STMN2: variants seen among roughly 807,000 people sequenced by gnomAD.
STMN2 encodes stathmin-2.
In STMN2, 2 loss-of-function variants were observed where a neutral mutation model predicts 24.1. The ratio of observed to expected loss-of-function variants is 0.08; its 90% CI spans 0.03 to 0.26. The LOEUF is 0.26. STMN2 is among the 10% of genes least tolerant of loss of function. The pLI, the probability that STMN2 is intolerant of heterozygous loss-of-function variation, is 1.00. For synonymous variants in STMN2, 83 were observed against 77.5 expected (o/e 1.07, Z -0.37); for missense variants, 114 against 213.6 (o/e 0.53, Z 2.91).
At chr8:79,616,271 A>G (rs927786753) in intron 1 of STMN2, among the ~76,000 whole-genome samples, 5 of 152,234 alleles carry the variant, frequency 3.3e-5, no homozygotes, top group African/African-American at 1.2e-4. Context: ...ATTATTGAGC[A>G]TCTCCTTGTA....
At position 79,612,566 on chromosome 8, in the gene STMN2, C is replaced by T. The variant is rs150985869; in HGVS notation, c.19+1352C>T. Among the ~76,000 whole-genome samples the T allele has an allele frequency of 7.8e-4, 119 of 152,252 alleles. 1 individual carries two copies. Among genetic ancestry groups the T allele is most frequent in the Non-Finnish European group, 1.4e-3 (93 of 68,016 alleles). On this transcript the variant is annotated intron_variant, in intron 1 of 4. Transcript: ENST00000220876. ...CAAGACAGTGGAGACACAGGATGAC[C>T]GGAAAAGATTCTGGATTCAGGGCCT...
chr8:79,633,881 C>T (rs1359482369), intron 1 of STMN2, among the ~76,000 whole-genome samples: 1 of 152,176 alleles, frequency 6.6e-6, no homozygotes, highest in Non-Finnish European at 1.5e-5. Context: ...TCTTTATTAG[C>T]TTGTCAAGCA....
Position 79,654,924 on chromosome 8 carries a change from A to T in STMN2, c.342A>T (p.Arg114=). Residue 114 remains arginine, a synonymous_variant, in exon 4 of 5, where the codon CGA becomes CGT. Coordinates refer to ENST00000220876, the MANE Select transcript of STMN2 (RefSeq NM_007029.4). ...KQLAEKREHE[R]EVLQKALEEN... The stretch of plus-strand genomic sequence containing the variant: ...TGGCAGAGAAGAGGGAACACGAGCG[A>T]GAAGTCCTTCAGAAGGCTTTGGAGG... The T allele has an allele frequency of 3.1e-6, 5 of 1,613,880 alleles. No individual in the cohort carries two copies. Among genetic ancestry groups the T allele is most frequent in the Non-Finnish European group, 4.2e-6 (5 of 1,179,854 alleles).
At chr8:79,660,543 T>A (rs1806480474) in intron 4 of STMN2, among the ~76,000 whole-genome samples, 1 of 152,188 alleles carries the variant, frequency 6.6e-6, no homozygotes, top group Non-Finnish European at 1.5e-5. Context: ...AGCCATATTT[T>A]AGTGGCAATA....
intron 3 of STMN2, 82 bp downstream of exon 3, chr8:79,641,632 A>ACACG (rs1563442453): frequency 7.1e-6 from 2 of 282,764 alleles, no homozygotes; most frequent in East Asian, 1.2e-4. Flanking sequence ...ATGCACGCAC[A>ACACG]CACACACACA....
intron 1 of STMN2, among the ~76,000 whole-genome samples, chr8:79,629,401 C>A (rs1214337625): frequency 6.6e-6 from 1 of 152,162 alleles, no homozygotes; most frequent in Non-Finnish European, 1.5e-5. Flanking sequence ...AAACTCTTAA[C>A]TAACTGTTCA....
At position 79,654,897 on chromosome 8, in the gene STMN2, A is replaced by C. The variant is rs1365272764; in HGVS notation, c.315A>C (p.Gln105His). The C allele has an allele frequency of 2.5e-6, 4 of 1,613,468 alleles. No homozygotes were observed. Among genetic ancestry groups the C allele is most frequent in the Non-Finnish European group, 3.4e-6 (4 of 1,179,602 alleles). The change falls in exon 4 of 5, where the codon CAA becomes CAC. Residue 105 changes from glutamine (Q) to histidine (H), a missense_variant. By Grantham distance (24) the Gln-to-His change is conservative. Coordinates refer to ENST00000220876, the MANE Select transcript of STMN2 (RefSeq NM_007029.4). ...CTCAGGAGGCCCAGGTGCTGAAACA[A>C]TTGGCAGAGAAGAGGGAACACGAGC... ...RKSQEAQVLK[Q>H]LAEKREHERE... is the part of the protein sequence containing the mutation.
chr8:79,641,842 C>T (rs1268508356), intron 3 of STMN2, among the ~76,000 whole-genome samples: 1 of 152,092 alleles, frequency 6.6e-6, no homozygotes, highest in Non-Finnish European at 1.5e-5. Flanking sequence ...GTGCCCCTTC[C>T]CGTATATTGA....
At chr8:79,620,833 C>A (rs1192647983) in intron 1 of STMN2, 7 of 257,162 alleles carry the variant, frequency 2.7e-5, no homozygotes, top group African/African-American at 1.4e-4. Context: ...GAGGAGCTAG[C>A]CTCCACCCCC....
In STMN2 at chr8:79,641,613, C is replaced by T. The variant is rs977865222; in HGVS notation, c.288+63C>T. The T allele has an allele frequency of 1.8e-5, 24 of 1,333,712 alleles. 1 individual carries two copies. The highest frequency in any genetic ancestry group is 6.0e-5 in the Admixed American group (3 of 50,084). 82.6% of individuals were successfully genotyped at this position (1,333,712 alleles called of 1,614,324 possible). A position where few individuals can be genotyped will look rare whatever the true frequency, so the allele number is the denominator to read the frequency against. On this transcript the variant is annotated intron_variant, in intron 3 of 4. Coordinates refer to ENST00000220876, the MANE Select transcript of STMN2 (RefSeq NM_007029.4). Reference sequence around the variant, plus strand: ...CCCCTGCTCCTCCCTCTCACACACTCGGGCACACATGCACGCACACACACA... The same window carrying T: ...CCCCTGCTCCTCCCTCTCACACACTTGGGCACACATGCACGCACACACACA...
chr8:79,622,277 T>G (rs1396409170), intron 1 of STMN2, among the ~76,000 whole-genome samples: 2 of 152,214 alleles, frequency 1.3e-5, no homozygotes, highest in African/African-American at 4.8e-5. Context: ...AATTGATTGT[T>G]AAGCATTTGG....
chr8:79,648,040 G>A (rs1810253469), intron 3 of STMN2, among the ~76,000 whole-genome samples: 1 of 152,208 alleles, frequency 6.6e-6, no homozygotes, highest in South Asian at 2.1e-4. Flanking sequence ...TCTCATAAGT[G>A]TTCCACTTTG....
intron 1 of STMN2, among the ~76,000 whole-genome samples, chr8:79,627,418 A>G (rs920237452): frequency 2.0e-5 from 3 of 152,234 alleles, no homozygotes; most frequent in Non-Finnish European, 4.4e-5. Flanking sequence ...GGTTATTCCA[A>G]TCTGGCTCAG....
Position 79,641,476 on chromosome 8 carries a change from G to C in STMN2, c.214G>C (p.Ala72Pro). 1 of 1,614,052 alleles carries C rather than the reference G, an allele frequency of 6.2e-7. No individual in the cohort carries two copies. Among genetic ancestry groups the C allele is most frequent in the Non-Finnish European group, 8.5e-7 (1 of 1,179,998 alleles). The change falls in exon 3 of 5, where the codon GCT becomes CCT. Residue 72 changes from alanine to proline, a missense_variant. Coordinates refer to ENST00000220876, the MANE Select transcript of STMN2 (RefSeq NM_007029.4). ...TATCTCAGAAGCCCCACGAACTTTA[G>C]CTTCTCCAAAGAAGAAAGACCTGTC... ...SPISEAPRTLASPKKKDLSLE... is the reference protein window; with the variant it reads ...SPISEAPRTLPSPKKKDLSLE...
intron 4 of STMN2, chr8:79,663,600 T>C: frequency 6.5e-7 from 1 of 1,529,010 alleles, no homozygotes; most frequent in African/African-American, 1.4e-5. Context: ...TTATTTCTTC[T>C]GAACTAAAAG....
intron 1 of STMN2, among the ~76,000 whole-genome samples, chr8:79,619,740 T>A (rs1302351857): frequency 6.6e-6 from 1 of 152,184 alleles, no homozygotes; most frequent in Non-Finnish European, 1.5e-5. Flanking sequence ...GTCTTACAGC[T>A]TTATCTGAGA....
At chr8:79,628,364 A>G (rs1257866290) in intron 1 of STMN2, among the ~76,000 whole-genome samples, 3 of 151,876 alleles carry the variant, frequency 2.0e-5, no homozygotes, top group African/African-American at 7.3e-5. Flanking sequence ...GGGTTTCACC[A>G]TGTCTCGAAC....
At chr8:79,620,971 T>C (rs1809502732) in intron 1 of STMN2, 2 of 985,114 alleles carry the variant, frequency 2.0e-6, no homozygotes, top group Non-Finnish European at 2.4e-6. Flanking sequence ...CAGTGACCTG[T>C]AGGGTCCCCA....
chr8:79,661,649 A>T (rs1806503674), intron 4 of STMN2, among the ~76,000 whole-genome samples: 1 of 152,132 alleles, frequency 6.6e-6, no homozygotes, highest in Non-Finnish European at 1.5e-5. Context: ...TCATCCAAAC[A>T]ACAACCTAAA....
Sources: allele counts gnomAD v4.1 joint callset (sites outside exome capture counted in the v4.1 genomes callset), GRCh38; gene constraint gnomAD v4.1.1; transcripts MANE v1.5; gene names NCBI Gene and HGNC (gene_info 2026-07-23, HGNC 2026-07-21).